Variants in KPNA1 observed in about 807,000 individuals in gnomAD.
KPNA1 encodes karyopherin subunit alpha 1, also known as importin subunit alpha-5.
KPNA1 carries 10 observed loss-of-function variants against 70.5 expected under a neutral mutation model. The ratio of observed to expected loss-of-function variants is 0.14; its 90% CI spans 0.09 to 0.24. KPNA1 has a LOEUF of 0.24. Among genes scored for constraint, KPNA1 ranks in the 10% least tolerant of loss-of-function variants. The pLI is 1.00. For missense variants in KPNA1, 397 were observed against 637.9 expected (o/e 0.62, Z 4.07); for synonymous variants, 192 against 221.9 (o/e 0.87, Z 1.20).
chr3:122,453,838 C>A lies in KPNA1; in HGVS notation c.564+32G>T, dbSNP rs1224103041. The A allele has an allele frequency of 2.5e-6, 4 of 1,576,000 alleles. No individual in the cohort carries two copies. The African/African-American group carries it at 5.5e-5, about 22-fold the overall frequency. On this transcript the variant is annotated intron_variant, in intron 6 of 13. Transcript: ENST00000344337. ...AGCGACATGCCCAGCCAAAAACTTT[C>A]TTTCACCTGCTTCTTTTTGTTTCAT...
intron 2 of KPNA1, among the ~76,000 whole-genome samples, chr3:122,473,484 G>A (rs1030983491): frequency 6.6e-6 from 1 of 152,068 alleles, no homozygotes; most frequent in Non-Finnish European, 1.5e-5. Context: ...CAAAACATTA[G>A]CAAAACAAAC....
chr3:122,480,227 CA>C (rs1406018656), intron 2 of KPNA1, among the ~76,000 whole-genome samples: 6 of 152,118 alleles, frequency 3.9e-5, no homozygotes, highest in African/African-American at 1.4e-4. Flanking sequence ...TGTGTGATAT[CA>C]AACCCACAGA....
At chr3:122,442,447 G>C (rs191579043) in intron 9 of KPNA1, among the ~76,000 whole-genome samples, 15 of 152,206 alleles carry the variant, frequency 9.9e-5, no homozygotes, top group African/African-American at 3.4e-4. Flanking sequence ...TGGTTGCTGA[G>C]ATAATTGAGA....
intron 2 of KPNA1, among the ~76,000 whole-genome samples, chr3:122,482,447 C>CA (rs1490504783): frequency 6.6e-6 from 1 of 152,072 alleles, no homozygotes; most frequent in African/African-American, 2.4e-5. Flanking sequence ...AGAAATAAAA[C>CA]AGATAGGTCT....
chr3:122,470,878 C>G (rs1560039744), intron 2 of KPNA1, among the ~76,000 whole-genome samples: 2 of 151,748 alleles, frequency 1.3e-5, no homozygotes, highest in African/African-American at 4.8e-5. Flanking sequence ...AAATCAGTAA[C>G]AAATATGGTA....
chr3:122,513,949 T>C (rs1178783046), intron 1 of KPNA1, among the ~76,000 whole-genome samples: 1 of 152,172 alleles, frequency 6.6e-6, no homozygotes, highest in Non-Finnish European at 1.5e-5. Flanking sequence ...GTTGAAACCT[T>C]AAAAATCAAA....
At chr3:122,449,106 G>A (rs536949001) in intron 9 of KPNA1, among the ~76,000 whole-genome samples, 1 of 152,134 alleles carries the variant, frequency 6.6e-6, no homozygotes, top group South Asian at 2.1e-4. Context: ...CTAAAAATTT[G>A]ATTAATACAG....
In KPNA1 at chr3:122,453,683, C is replaced by T. The variant is rs1484706966; in HGVS notation, c.564+187G>A. Among the ~76,000 whole-genome samples the T allele has an allele frequency of 2.0e-5, 3 of 152,172 alleles. 1 individual carries two copies. The highest frequency in any genetic ancestry group is 6.8e-3 in the Middle Eastern group (2 of 294). The stretch of plus-strand genomic sequence containing the variant: ...TCCCAAGTAGCTGGGATTACAGACA[C>T]GTACCACCATGCCCGGCTAATTTTT... On this transcript the variant is annotated intron_variant, in intron 6 of 13. Transcript: ENST00000344337.
At chr3:122,457,719 T>C (rs1332557366) in intron 5 of KPNA1, 41 of 1,286,910 alleles carry the variant, frequency 3.2e-5, no homozygotes, top group Non-Finnish European at 4.1e-5. Context: ...GCTGAAGTAC[T>C]TCTGACCTCC....
chr3:122,471,984 ATT>A (rs1401677259), intron 2 of KPNA1, among the ~76,000 whole-genome samples: 9 of 152,248 alleles, frequency 5.9e-5, no homozygotes, highest in Non-Finnish European at 8.8e-5. Context: ...AAATAAATGA[ATT>A]CACTATTATA....
chr3:122,494,538 T>C (rs2076735631), intron 2 of KPNA1, among the ~76,000 whole-genome samples: 3 of 152,318 alleles, frequency 2.0e-5, no homozygotes, highest in Admixed American at 1.3e-4. Context: ...TACTATAACC[T>C]TGTAGTATAA....
chr3:122,486,681 AGGTT>A (rs1360624116), intron 2 of KPNA1, among the ~76,000 whole-genome samples: 4 of 151,524 alleles, frequency 2.6e-5, no homozygotes, highest in African/African-American at 9.7e-5. Flanking sequence ...TCCACCTCCC[AGGTT>A]CACGCCATTC....
intron 1 of KPNA1, among the ~76,000 whole-genome samples, chr3:122,503,586 T>C (rs2076854936): frequency 6.6e-6 from 1 of 152,212 alleles, no homozygotes. Flanking sequence ...TCCTCATCTG[T>C]ACAATGGACA....
intron 2 of KPNA1, among the ~76,000 whole-genome samples, chr3:122,485,809 A>G (rs1160365595): frequency 6.6e-6 from 1 of 152,222 alleles, no homozygotes; most frequent in African/African-American, 2.4e-5. Flanking sequence ...ACCACAAAGA[A>G]GTATATAAGA....
chr3:122,485,579 G>T (rs1398288291), intron 2 of KPNA1, among the ~76,000 whole-genome samples: 3 of 151,878 alleles, frequency 2.0e-5, no homozygotes, highest in African/African-American at 7.3e-5. Context: ...TGTAAAACAC[G>T]TATCTAGCAA....
chr3:122,445,590 T>C (rs1471241071), intron 9 of KPNA1, among the ~76,000 whole-genome samples: 2 of 152,176 alleles, frequency 1.3e-5, no homozygotes, highest in African/African-American at 2.4e-5. Context: ...AGACCATCAA[T>C]GCTGGGAAGA....
At chr3:122,455,408 T>C (rs2076253467) in intron 5 of KPNA1, among the ~76,000 whole-genome samples, 1 of 152,228 alleles carries the variant, frequency 6.6e-6, no homozygotes, top group South Asian at 2.1e-4. Context: ...ACAAAAATTC[T>C]GGGGACTTAC....
intron 2 of KPNA1, among the ~76,000 whole-genome samples, chr3:122,473,737 C>G (rs1348260998): frequency 6.6e-6 from 1 of 152,164 alleles, no homozygotes; most frequent in Non-Finnish European, 1.5e-5. Flanking sequence ...AAAAAACCTA[C>G]AGCTAACATC....
Position 122,491,809 on chromosome 3 carries a change from A to T in KPNA1, c.129+4628T>A, listed in dbSNP as rs186723787. Among the ~76,000 whole-genome samples the T allele has an allele frequency of 1.8e-4, 27 of 151,718 alleles. No individual in the cohort carries two copies. The East Asian group carries it at 3.1e-3, about 17-fold the overall frequency. On this transcript the variant is annotated intron_variant, in intron 2 of 13. Transcript: ENST00000344337. ...CAATATCATTTAATCGTTAGTTATA[A>T]GAGGTGAGCTAAGCATGCAAAGCAA...
Sources: allele counts gnomAD v4.1 joint callset (sites outside exome capture counted in the v4.1 genomes callset), GRCh38; gene constraint gnomAD v4.1.1; transcripts MANE v1.5; gene names NCBI Gene and HGNC (gene_info 2026-07-23, HGNC 2026-07-21).